The following GALNT17 variants were observed in gnomAD, a reference collection of about 807,000 sequenced individuals.
GALNT17 encodes the protein polypeptide N-acetylgalactosaminyltransferase 17.
GALNT17 carries 29 observed loss-of-function variants against 63.7 expected under a neutral mutation model. The observed-to-expected ratio is 0.46, with a 90% CI of 0.34 to 0.62. The LOEUF is 0.62. Among genes scored for constraint, GALNT17 ranks in the 20% least tolerant of loss-of-function variants. GALNT17 has a pLI of 0.01. For synonymous variants in GALNT17, 305 were observed against 318.3 expected (o/e 0.96, Z 0.45); for missense variants, 603 against 799.6 (o/e 0.75, Z 2.97).
chr7:71,177,087 C>T (rs746236586), intron 1 of GALNT17, among the ~76,000 whole-genome samples: 4 of 152,102 alleles, frequency 2.6e-5, no homozygotes, highest in African/African-American at 4.8e-5. Flanking sequence ...CCATGGAGTG[C>T]GCTGTTGCTG....
chr7:71,536,953 G>A (rs912770093), intron 5 of GALNT17, among the ~76,000 whole-genome samples: 7 of 152,120 alleles, frequency 4.6e-5, no homozygotes, highest in African/African-American at 9.7e-5. Context: ...GTCCCCTTGA[G>A]TCACTCTGTA....
chr7:71,431,292 C>T (rs1786861838), intron 5 of GALNT17, among the ~76,000 whole-genome samples: 1 of 149,298 alleles, frequency 6.7e-6, no homozygotes. Flanking sequence ...CTCACTGCAA[C>T]CTCCACCTCC....
intron 5 of GALNT17, among the ~76,000 whole-genome samples, chr7:71,431,204 C>T (rs1036114099): frequency 3.7e-5 from 5 of 136,352 alleles, no homozygotes; most frequent in South Asian, 4.5e-4. Context: ...TTTTTCTTTT[C>T]TTTTCTTTTT....
intron 10 of GALNT17, 69 bp from the exon 11 acceptor site, chr7:71,711,949 C>G (rs1791800647): frequency 1.9e-6 from 3 of 1,543,390 alleles, no homozygotes; most frequent in South Asian, 2.2e-5. Flanking sequence ...TTTCTCCTCT[C>G]TCTATATCTC....
chr7:71,278,611 G>T (rs1790723809), intron 1 of GALNT17, among the ~76,000 whole-genome samples: 1 of 152,194 alleles, frequency 6.6e-6, no homozygotes, highest in Non-Finnish European at 1.5e-5. Context: ...CTGCAGGGCT[G>T]GGGAGGCCTC....
intron 1 of GALNT17, among the ~76,000 whole-genome samples, chr7:71,322,441 C>T (rs1388571581): frequency 2.0e-5 from 3 of 152,156 alleles, no homozygotes; most frequent in Admixed American, 6.5e-5. Context: ...AACAATGATT[C>T]ATATCTCTTG....
chr7:71,625,547 G>GT (rs1251474157), intron 6 of GALNT17, among the ~76,000 whole-genome samples: 1 of 152,068 alleles, frequency 6.6e-6, no homozygotes, highest in Non-Finnish European at 1.5e-5. Flanking sequence ...ATTTTTTGGT[G>GT]TTTTTTGTTG....
At chr7:71,165,764 A>T (rs1788429123) in intron 1 of GALNT17, among the ~76,000 whole-genome samples, 1 of 152,202 alleles carries the variant, frequency 6.6e-6, no homozygotes. Context: ...TAATGTTGAA[A>T]TTAAACCTGT....
intron 1 of GALNT17, among the ~76,000 whole-genome samples, chr7:71,273,611 T>C (rs1045119682): frequency 4.6e-5 from 7 of 152,208 alleles, no homozygotes; most frequent in African/African-American, 1.4e-4. Flanking sequence ...TTCTGTCCTA[T>C]AGACATCACA....
intron 5 of GALNT17, among the ~76,000 whole-genome samples, chr7:71,460,197 G>A (rs1440055466): frequency 6.6e-6 from 1 of 152,092 alleles, no homozygotes; most frequent in African/African-American, 2.4e-5. Flanking sequence ...GTGTTTTACA[G>A]AGTTCAACTC....
rs150593007 is a variant in GALNT17 at position 71,350,377 on chromosome 7, G to A, written c.422+14644G>A. Among the ~76,000 whole-genome samples the A allele has an allele frequency of 7.6e-3, 1,163 of 152,136 alleles. 12 individuals are homozygous for A. The highest frequency in any genetic ancestry group is 0.054 in the South Asian group (260 of 4,812). On this transcript the variant is annotated intron_variant, in intron 2 of 10. Coordinates refer to ENST00000333538, the MANE Select transcript of GALNT17 (RefSeq NM_022479.3). ...ATGATAAACTGGGAAAAATAAACACGAGCTAATTATAGATTGTGATAAATG... is the reference window on the plus strand; with the variant it reads ...ATGATAAACTGGGAAAAATAAACACAAGCTAATTATAGATTGTGATAAATG...
chr7:71,458,989 T>A (rs1487588264), intron 5 of GALNT17, among the ~76,000 whole-genome samples: 1 of 152,078 alleles, frequency 6.6e-6, no homozygotes, highest in Admixed American at 6.5e-5. Context: ...GGTGGGGCCT[T>A]TGCTGGGGAA....
At chr7:71,512,014 C>CTTTTTT (rs11409175) in intron 5 of GALNT17, among the ~76,000 whole-genome samples, 20 of 131,488 alleles carry the variant, frequency 1.5e-4, no homozygotes, top group African/African-American at 5.2e-4. Context: ...GGGTTCCAGC[C>CTTTTTT]TTTTTTTTTT....
intron 5 of GALNT17, among the ~76,000 whole-genome samples, chr7:71,544,585 T>C (rs564374458): frequency 1.4e-4 from 22 of 152,174 alleles, no homozygotes; most frequent in Non-Finnish European, 2.5e-4. Context: ...TCAATCAACC[T>C]AAGCAGATAG....
intron 6 of GALNT17, among the ~76,000 whole-genome samples, chr7:71,664,838 C>T (rs1790959784): frequency 6.6e-6 from 1 of 152,230 alleles, no homozygotes; most frequent in Admixed American, 6.5e-5. Context: ...GCCTTTCTTA[C>T]CTAGAGGTGG....
intron 5 of GALNT17, among the ~76,000 whole-genome samples, chr7:71,535,701 C>A (rs560392397): frequency 6.6e-6 from 1 of 152,290 alleles, no homozygotes; most frequent in South Asian, 2.1e-4. Context: ...GAGTTTGCAT[C>A]AAACATCTGT....
chr7:71,522,326 T>C (rs79075868), intron 5 of GALNT17, among the ~76,000 whole-genome samples: 8,406 of 152,214 alleles, frequency 0.055, 479 homozygotes, highest in African/African-American at 0.15. Flanking sequence ...CTGTATTAGT[T>C]CATTTTAATG....
chr7:71,497,895 C>A (rs1327791996), intron 5 of GALNT17, among the ~76,000 whole-genome samples: 1 of 152,196 alleles, frequency 6.6e-6, no homozygotes, highest in Non-Finnish European at 1.5e-5. Context: ...GAAACAAGAA[C>A]ATCCACAATG....
chr7:71,339,503 G>A (rs945269818), intron 2 of GALNT17, among the ~76,000 whole-genome samples: 1 of 152,078 alleles, frequency 6.6e-6, no homozygotes, highest in Non-Finnish European at 1.5e-5. Flanking sequence ...CCTGGCCAAC[G>A]TGATGACACC....
Sources: allele counts gnomAD v4.1 joint callset (sites outside exome capture counted in the v4.1 genomes callset), GRCh38; gene constraint gnomAD v4.1.1; transcripts MANE v1.5; gene names NCBI Gene and HGNC (gene_info 2026-07-23, HGNC 2026-07-21).